HOXD13: variants seen among roughly 807,000 people sequenced by gnomAD.
HOXD13 encodes homeobox D13.
In HOXD13, 16 loss-of-function variants were observed where a neutral mutation model predicts 27.3. That is an observed-to-expected ratio of 0.59 (90% CI 0.40 to 0.89). The LOEUF (loss-of-function observed/expected upper bound fraction) is 0.89. HOXD13 is among the 40% of genes least tolerant of loss of function. The pLI, the probability that HOXD13 is intolerant of heterozygous loss-of-function variation, is 0.00. For synonymous variants in HOXD13, 241 were observed against 219.0 expected (o/e 1.10, Z -0.89); for missense variants, 481 against 482.6 (o/e 1.00, Z 0.03).
rs570355606 is a variant in HOXD13, at chr2:176,094,799, T to A, written c.*69T>A. 317 of 1,392,276 alleles carry A rather than the reference T, an allele frequency of 2.3e-4. 1 individual carries two copies. Among genetic ancestry groups the A allele is most frequent in the Middle Eastern group, 1.4e-3 (8 of 5,668 alleles). The allele number at this position is 1,392,276 out of a possible 1,614,324, so 86.2% of individuals were successfully genotyped here. On this transcript the variant is annotated 3_prime_UTR_variant, in exon 2 of 2. Transcript: ENST00000392539. ...GTCTCCAAAAGGCCTTTGGAAAGACTTGAATATGTATTTAATTCCCCCCAC... is the reference window on the plus strand; with the variant it reads ...GTCTCCAAAAGGCCTTTGGAAAGACATGAATATGTATTTAATTCCCCCCAC...
upstream of HOXD13, among the ~76,000 whole-genome samples, chr2:176,089,559 C>A (rs1559106379): frequency 6.6e-6 from 1 of 152,174 alleles, no homozygotes; most frequent in Admixed American, 6.5e-5. Context: ...TCTTGGCAAG[C>A]AGAGCAACTT....
At chr2:176,093,744 A>G in intron 1 of HOXD13, 73 bp downstream of exon 1, 5 of 1,005,694 alleles carry the variant, frequency 5.0e-6, no homozygotes, top group Non-Finnish European at 7.3e-6. Flanking sequence ...GACTAAGAGT[A>G]TGCGCCCCTA....
rs1435965440 is a variant in HOXD13 at position 176,092,948 on chromosome 2, G to T, written c.58G>T (p.Gly20Cys). The part of the protein sequence containing the change: ...DGLRADGGGA[G>C]GAPASSSSSS... ...GCTGCGGGCAGACGGCGGGGGCGCC[G>T]GTGGCGCCCCGGCCTCTTCCTCCTC... Residue 20 changes from glycine (G) to cysteine (C), a missense_variant, in exon 1 of 2, where the codon GGT becomes TGT. Coordinates refer to ENST00000392539, the MANE Select transcript of HOXD13 (RefSeq NM_000523.4). 8 of 1,328,024 alleles carry T rather than the reference G, an allele frequency of 6.0e-6. No homozygotes were observed. The highest frequency in any genetic ancestry group is 7.7e-6 in the Non-Finnish European group (8 of 1,042,476). 82.3% of individuals were successfully genotyped at this position (1,328,024 alleles called of 1,614,324 possible).
chr2:176,094,827 C>G lies in HOXD13; in HGVS notation c.*97C>G, dbSNP rs1017490101. 2.8e-5 allele frequency: 32 copies of G among 1,125,234 alleles called. No homozygotes were observed. The highest frequency in any genetic ancestry group is 4.3e-5 in the Non-Finnish European group (32 of 745,516). 69.7% of individuals were successfully genotyped at this position (1,125,234 alleles called of 1,614,324 possible). A position where few individuals can be genotyped will look rare whatever the true frequency, so the allele number is the denominator to read the frequency against. The stretch of plus-strand genomic sequence containing the variant: ...AATATGTATTTAATTCCCCCCACCC[C>G]CTGCCAATGGTGGCAAATTTTGTGA... On this transcript the variant is annotated 3_prime_UTR_variant, in exon 2 of 2. Transcript: ENST00000392539.
In HOXD13 at chr2:176,092,966, T is replaced by A; in HGVS notation, c.76T>A (p.Ser26Thr). The stretch of plus-strand genomic sequence containing the variant: ...GGGCGCCGGTGGCGCCCCGGCCTCT[T>A]CCTCCTCCTCATCGGTGGCGGCGGC... Reference protein sequence around the residue: ...GGGAGGAPASSSSSSVAAAAA... With the variant: ...GGGAGGAPASTSSSSVAAAAA... The change falls in exon 1 of 2, where the codon TCC becomes ACC. Residue 26 changes from serine (S) to threonine (T), a missense_variant. Ser to Thr is a moderately conservative substitution (Grantham distance 58, BLOSUM62 1). Coordinates refer to ENST00000392539, the MANE Select transcript of HOXD13 (RefSeq NM_000523.4). The A allele has an allele frequency of 7.4e-7, 1 of 1,345,698 alleles. No individual in the cohort carries two copies. The highest frequency in any genetic ancestry group is 9.5e-7 in the Non-Finnish European group (1 of 1,051,938). 83.4% of individuals were successfully genotyped at this position (1,345,698 alleles called of 1,614,324 possible).
Position 176,092,886 on chromosome 2 carries a change from G to T in HOXD13, c.-5G>T. 8.0e-7 allele frequency: 1 copy of T among 1,255,332 alleles called. No individual in the cohort carries two copies. Among genetic ancestry groups the T allele is most frequent in the Non-Finnish European group, 1.0e-6 (1 of 1,004,454 alleles). The allele number at this position is 1,255,332 out of a possible 1,614,324, so 77.8% of individuals were successfully genotyped here. The stretch of plus-strand genomic sequence containing the variant: ...GCCAGGGCCGGGGCCGGGCCAGGCC[G>T]GGCCATGAGCCGCGCCGGGAGCTGG... On this transcript the variant is annotated 5_prime_UTR_variant, in exon 1 of 2. Transcript: ENST00000392539.
In HOXD13 at chr2:176,093,519, T is replaced by C. The variant is rs200274374; in HGVS notation, c.629T>C (p.Val210Ala). Residue 210 changes from valine to alanine, a missense_variant, in exon 1 of 2, where the codon GTG becomes GCG. Coordinates refer to ENST00000392539, the MANE Select transcript of HOXD13 (RefSeq NM_000523.4). The stretch of plus-strand genomic sequence containing the variant: ...CACGTGCCCGGCTATATCGACATGG[T>C]GTCCACTTTCGGCTCCGGGGAGCCT... Reference protein sequence around the residue: ...YQHVPGYIDMVSTFGSGEPRH... With the variant: ...YQHVPGYIDMASTFGSGEPRH... 6.2e-7 allele frequency: 1 copy of C among 1,613,998 alleles called. No individual in the cohort carries two copies. The highest frequency in any genetic ancestry group is 2.2e-5 in the East Asian group (1 of 44,860).
Position 176,095,890 on chromosome 2 carries a change from T to C in HOXD13, c.*1160T>C, listed in dbSNP as rs1689404208. On this transcript the variant is annotated 3_prime_UTR_variant, in exon 2 of 2. Transcript: ENST00000392539. Reference sequence around the variant, plus strand: ...GGGCAGTGCTTCAGACATTTAAAAATCACTTTTTACTCCTAGGGAGATGCC... The same window carrying C: ...GGGCAGTGCTTCAGACATTTAAAAACCACTTTTTACTCCTAGGGAGATGCC... 2.0e-5 allele frequency: 4 copies of C among 198,320 alleles called. No homozygotes were observed. In the South Asian group the frequency reaches 7.7e-4, roughly 38 times the overall value. The allele number at this position is 198,320 out of a possible 1,614,324, so 12.3% of individuals were successfully genotyped here. A position where few individuals can be genotyped will look rare whatever the true frequency, so the allele number is the denominator to read the frequency against.
At position 176,095,320 on chromosome 2, in the gene HOXD13, A is replaced by G; in HGVS notation, c.*590A>G. On this transcript the variant is annotated 3_prime_UTR_variant, in exon 2 of 2. Coordinates refer to ENST00000392539, the MANE Select transcript of HOXD13 (RefSeq NM_000523.4). ...TTTAAAAATGGCCACCTTATTAAAT[A>G]GGGATTGTATCAATATTGAAATGAA... The G allele has an allele frequency of 4.4e-6, 1 of 228,986 alleles. No homozygotes were observed. Among genetic ancestry groups the G allele is most frequent in the East Asian group, 6.3e-5 (1 of 15,876 alleles). The allele number at this position is 228,986 out of a possible 1,614,324, so 14.2% of individuals were successfully genotyped here.
upstream of HOXD13, among the ~76,000 whole-genome samples, chr2:176,092,339 G>A (rs1457872862): frequency 6.6e-6 from 1 of 152,254 alleles, no homozygotes; most frequent in African/African-American, 2.4e-5. Context: ...GGGAGCCGAG[G>A]AGAGGTGGCA....
At chr2:176,090,530 C>T (rs1036480549), upstream of HOXD13, among the ~76,000 whole-genome samples, 1 of 152,196 alleles carries the variant, frequency 6.6e-6, no homozygotes, top group African/African-American at 2.4e-5. Flanking sequence ...TTTCATTTTA[C>T]TTTATTGTTA....
At chr2:176,088,458 AC>A (rs1281882904), upstream of HOXD13, among the ~76,000 whole-genome samples, 5 of 152,174 alleles carry the variant, frequency 3.3e-5, no homozygotes. Context: ...CTCAGACGCC[AC>A]GGGAAAACTT....
At chr2:176,088,724 A>G (rs1426020211), upstream of HOXD13, among the ~76,000 whole-genome samples, 1 of 152,178 alleles carries the variant, frequency 6.6e-6, no homozygotes, top group Non-Finnish European at 1.5e-5. Flanking sequence ...AATTTACTGG[A>G]CTTCCCAGTA....
chr2:176,093,094 G>GCGGCGGCA lies in HOXD13; in HGVS notation c.204_205insCGGCGGCA (p.Ala69ArgfsTer30). On this transcript the variant is annotated frameshift_variant, in exon 1 of 2. Coordinates refer to ENST00000392539, the MANE Select transcript of HOXD13 (RefSeq NM_000523.4). LOFTEE classifies it high-confidence loss of function. ...CGGCAGCGGCGGCTGCGGCGGCGGC[G>GCGGCGGCA]GCGGCAGCCTCCGGCTTTGCGTACC... The GCGGCGGCA allele has an allele frequency of 2.1e-6, 3 of 1,426,150 alleles. No individual in the cohort carries two copies. Among genetic ancestry groups the GCGGCGGCA allele is most frequent in the Non-Finnish European group, 2.7e-6 (3 of 1,103,824 alleles). 88.3% of individuals were successfully genotyped at this position (1,426,150 alleles called of 1,614,324 possible).
rs911459139 is a variant in HOXD13, at chr2:176,093,135, G to T, written c.245G>T (p.Arg82Leu). The stretch of plus-strand genomic sequence containing the variant: ...TTTGCGTACCCCGGGACCTCTGAGC[G>T]CACGGGCTCTTCCTCGTCGTCGTCC... Reference protein sequence around the residue: ...SGFAYPGTSERTGSSSSSSSS... With the variant: ...SGFAYPGTSELTGSSSSSSSS... The change falls in exon 1 of 2, where the codon CGC becomes CTC. Residue 82 changes from arginine (R) to leucine (L), a missense_variant. Arg to Leu is a moderately radical substitution (Grantham distance 102). Coordinates refer to ENST00000392539, the MANE Select transcript of HOXD13 (RefSeq NM_000523.4). 1.2e-6 allele frequency: 2 copies of T among 1,604,604 alleles called. No homozygotes were observed. The highest frequency in any genetic ancestry group is 1.7e-5 in the Admixed American group (1 of 59,920).
chr2:176,087,583 A>G, the HOXD13 span, among the ~76,000 whole-genome samples: 1 of 152,138 alleles, frequency 6.6e-6, no homozygotes, highest in African/African-American at 2.4e-5. Flanking sequence ...GAAATACCCA[A>G]ACTTGCACGT....
chr2:176,094,739 A>T lies in HOXD13; in HGVS notation c.*9A>T, dbSNP rs1403689209. 4 of 1,613,848 alleles carry T rather than the reference A, an allele frequency of 2.5e-6. No individual in the cohort carries two copies. Among genetic ancestry groups the T allele is most frequent in the Admixed American group, 1.7e-5 (1 of 60,024 alleles). ...AAGATACTGTCTCCTGATGTGGTCC[A>T]GGTTGGCCACAGACAGCTTAGAAGC... On this transcript the variant is annotated 3_prime_UTR_variant, in exon 2 of 2. Transcript: ENST00000392539.
chr2:176,089,416 G>T (rs1483004387), upstream of HOXD13, among the ~76,000 whole-genome samples: 2 of 152,152 alleles, frequency 1.3e-5, no homozygotes, highest in Non-Finnish European at 2.9e-5. Flanking sequence ...AATTAGGAGG[G>T]TGTCCTGCAC....
rs146564993 is a variant in HOXD13 at position 176,095,082 on chromosome 2, G to GTT, written c.*358_*359dup. ...TCAGAAGTGCCATTCTGATTTAAGG[G>GTT]TTTTTTTAAAAAATTACTTTATTTG... On this transcript the variant is annotated 3_prime_UTR_variant, in exon 2 of 2. Coordinates refer to ENST00000392539, the MANE Select transcript of HOXD13 (RefSeq NM_000523.4). 5.8e-6 allele frequency: 2 copies of GTT among 346,778 alleles called. No individual in the cohort carries two copies. The highest frequency in any genetic ancestry group is 9.7e-5 in the East Asian group (2 of 20,646). 21.5% of individuals were successfully genotyped at this position (346,778 alleles called of 1,614,324 possible).
Sources: gnomAD v4.1 joint callset for allele counts (sites outside exome capture counted in the v4.1 genomes callset) on GRCh38, gnomAD v4.1.1 for gene constraint, MANE v1.5 for transcripts, NCBI Gene and HGNC (gene_info 2026-07-23, HGNC 2026-07-21) for gene names.